Variants in SVEP1 observed in about 807,000 individuals in gnomAD.
The protein encoded by SVEP1 is sushi, von Willebrand factor type A, EGF and pentraxin domain containing 1.
Under a neutral mutation model 367.3 loss-of-function variants are expected in SVEP1, and 164 were observed. The observed-to-expected ratio is 0.45, with a 90% confidence interval of 0.39 to 0.51. SVEP1 has a LOEUF of 0.51. SVEP1 is among the 20% of genes least tolerant of loss of function. The pLI, the probability that SVEP1 is intolerant of heterozygous loss-of-function variation, is 0.00. For missense variants in SVEP1, 4,117 were observed against 4,425.3 expected, an observed-to-expected ratio of 0.93 and a Z score of 1.98; for synonymous variants, 1,666 against 1,611.6, an observed-to-expected ratio of 1.03 and a Z score of -0.81.
intron 8 of SVEP1, among the ~76,000 whole-genome samples, chr9:110,492,445 AT>A (rs142611872): frequency 1.3e-5 from 2 of 151,402 alleles, no homozygotes; most frequent in African/African-American, 2.4e-5. Context: ...AGATACTCTT[AT>A]TTTTTTTGCC....
chr9:110,564,110 G>A (rs551398265), intron 1 of SVEP1, among the ~76,000 whole-genome samples: 5 of 152,100 alleles, frequency 3.3e-5, no homozygotes, highest in Non-Finnish European at 5.9e-5. Context: ...CAAAAAATAC[G>A]AGCTACGAAG....
At chr9:110,454,998 T>A (rs1828756275) in intron 22 of SVEP1, among the ~76,000 whole-genome samples, 1 of 152,162 alleles carries the variant, frequency 6.6e-6, no homozygotes, top group East Asian at 1.9e-4. Flanking sequence ...GACAAAGATT[T>A]TGAATGCTAA....
chr9:110,523,500 C>G (rs1320827456), intron 3 of SVEP1, among the ~76,000 whole-genome samples: 1 of 151,984 alleles, frequency 6.6e-6, no homozygotes, highest in African/African-American at 2.4e-5. Flanking sequence ...CAGACTTAAG[C>G]CCTACCATAT....
In SVEP1 at chr9:110,407,321, T is replaced by C. The variant is rs1827971020; in HGVS notation, c.8279A>G (p.Asn2760Ser). The C allele has an allele frequency of 6.2e-7, 1 of 1,614,012 alleles. No individual in the cohort carries two copies. Among genetic ancestry groups the C allele is most frequent in the Non-Finnish European group, 8.5e-7 (1 of 1,179,894 alleles). ...AGSDLRLCLE[N>S]RKWSGASPRC... ...TGGGGAGGCACCACTCCACTTTCTA[T>C]TCTCTAGACAAAGCCTTAAGTCAGA... Residue 2760 changes from asparagine (N) to serine (S), a missense_variant, in exon 38 of 48, where the codon AAT (asparagine) becomes AGT (serine). Asn to Ser is a conservative substitution (Grantham distance 46, BLOSUM62 1). Transcript: ENST00000374469.
Position 110,411,164 on chromosome 9 carries a change from T to A in SVEP1, c.6547A>T (p.Lys2183Ter). The change falls in exon 37 of 48, where the codon AAG becomes TAG. Residue 2183 changes from lysine to a stop codon, truncating the protein, a stop_gained. Transcript: ENST00000374469. LOFTEE classifies it high-confidence loss of function. ...NKGFYIKGEK[K>*]STCEATGQWS... ...TGCCCTGTGGCTTCGCAGGTGCTCT[T>A]CTTTTCCCCTTTGATGTAGAACCCC... The A allele has an allele frequency of 1.2e-6, 2 of 1,614,032 alleles. No homozygotes were observed. The highest frequency in any genetic ancestry group is 1.7e-6 in the Non-Finnish European group (2 of 1,179,890).
chr9:110,471,640 T>C, intron 15 of SVEP1, 43 bp from the exon 16 acceptor site: 5 of 1,435,824 alleles, frequency 3.5e-6, no homozygotes, highest in Non-Finnish European at 4.8e-6. Context: ...ACACATGGTG[T>C]TTCAGAAAGT....
chr9:110,394,595 C>A (rs916602693), intron 40 of SVEP1, among the ~76,000 whole-genome samples: 1 of 151,976 alleles, frequency 6.6e-6, no homozygotes, highest in Non-Finnish European at 1.5e-5. Flanking sequence ...AAGAAGTTAA[C>A]AACTTTGAAA....
chr9:110,430,508 C>G, intron 32 of SVEP1, 58 bp from the exon 33 acceptor site: 1 of 1,504,078 alleles, frequency 6.6e-7, no homozygotes, highest in Non-Finnish European at 9.0e-7. Flanking sequence ...CATGCAAAGT[C>G]TCACAGCAAA....
intron 23 of SVEP1, 52 bp from the exon 24 acceptor site, chr9:110,450,312 C>T (rs1380227574): frequency 2.5e-6 from 4 of 1,577,334 alleles, no homozygotes; most frequent in African/African-American, 1.3e-5. Flanking sequence ...TCCCTGGGAA[C>T]ACTGTAACTA....
At chr9:110,377,200 G>A in intron 45 of SVEP1, 71 bp downstream of exon 45, 1 of 1,406,034 alleles carries the variant, frequency 7.1e-7, no homozygotes, top group African/African-American at 1.4e-5. Flanking sequence ...CCATTTCCTG[G>A]TAACTCCCCT....
In SVEP1 at chr9:110,366,611, C is replaced by T. The variant is rs545002687; in HGVS notation, c.10695-51G>A. The T allele has an allele frequency of 3.4e-5, 50 of 1,491,864 alleles. No individual in the cohort carries two copies. The African/African-American group carries it at 5.2e-4, about 16-fold the overall frequency. The allele number at this position is 1,491,864 out of a possible 1,614,324, so 92.4% of individuals were successfully genotyped here. On this transcript the variant is annotated intron_variant, in intron 47 of 47. Coordinates refer to ENST00000374469, the MANE Select transcript of SVEP1 (RefSeq NM_153366.4). ...AATAGATTCAAAAGAAAAAATTGAA[C>T]TGAAGAGCTAACATCTCTTTAGGAG...
chr9:110,552,877 G>C (rs1170292047), intron 1 of SVEP1, among the ~76,000 whole-genome samples: 1 of 152,158 alleles, frequency 6.6e-6, no homozygotes, highest in East Asian at 1.9e-4. Context: ...ATGTATTCCA[G>C]AGAGGTATAG....
At chr9:110,502,041 A>C (rs1829540868) in intron 6 of SVEP1, among the ~76,000 whole-genome samples, 1 of 152,054 alleles carries the variant, frequency 6.6e-6, no homozygotes, top group African/African-American at 2.4e-5. Flanking sequence ...ATACCTCAAG[A>C]ATATGAATTG....
In SVEP1 at chr9:110,464,395, A is replaced by T. The variant is rs1181490716; in HGVS notation, c.3322+1470T>A. Among the ~76,000 whole-genome samples the T allele has an allele frequency of 4.6e-5, 7 of 152,196 alleles. 1 individual carries two copies. The highest frequency in any genetic ancestry group is 4.6e-4 in the Admixed American group (7 of 15,280). ...ATCCTACTAGACTGAGATAATTTAA[A>T]CAGATGGAGTATATATAAACCTATA... On this transcript the variant is annotated intron_variant, in intron 18 of 47. Transcript: ENST00000374469.
rs1390079110 is a variant in SVEP1 at position 110,451,283 on chromosome 9, T to A, written c.3901+6A>T. The stretch of plus-strand genomic sequence containing the variant: ...AGACAACATAGGAAGACTGGAAACA[T>A]CTTACCTACAAATCCTTTCACACAT... On this transcript the variant is annotated splice_donor_region_variant and intron_variant, in intron 23 of 47. Transcript: ENST00000374469. The A allele has an allele frequency of 1.2e-6, 2 of 1,608,392 alleles. No homozygotes were observed. The highest frequency in any genetic ancestry group is 1.7e-6 in the Non-Finnish European group (2 of 1,174,958).
At chr9:110,373,478 G>GT (rs1827306965) in intron 46 of SVEP1, among the ~76,000 whole-genome samples, 1 of 152,026 alleles carries the variant, frequency 6.6e-6, no homozygotes, top group Admixed American at 6.5e-5. Context: ...CAGCCTTAGG[G>GT]TTCATGACAA....
intron 3 of SVEP1, among the ~76,000 whole-genome samples, chr9:110,530,541 T>C (rs1830004752): frequency 6.6e-6 from 1 of 152,148 alleles, no homozygotes; most frequent in South Asian, 2.1e-4. Context: ...TTGTTTTTGT[T>C]TCTATTTTGT....
At chr9:110,512,618 C>T (rs1829737267) in intron 5 of SVEP1, among the ~76,000 whole-genome samples, 2 of 152,154 alleles carry the variant, frequency 1.3e-5, no homozygotes. Context: ...TCTGATTATT[C>T]TAAACTCTCC....
chr9:110,496,024 T>C (rs1452015663), intron 8 of SVEP1, among the ~76,000 whole-genome samples: 2 of 152,222 alleles, frequency 1.3e-5, no homozygotes, highest in Non-Finnish European at 2.9e-5. Flanking sequence ...TCAAGTAATC[T>C]TAGTGGCTAC....
Sources: gnomAD v4.1 joint callset for allele counts (sites outside exome capture counted in the v4.1 genomes callset) on GRCh38, gnomAD v4.1.1 for gene constraint, MANE v1.5 for transcripts, NCBI Gene and HGNC (gene_info 2026-07-23, HGNC 2026-07-21) for gene names.